Variants in COL1A1 observed in about 807,000 individuals in gnomAD.
COL1A1 encodes the protein collagen alpha-1(I) chain.
A neutral mutation model predicts 195.7 loss-of-function variants in COL1A1; 21 were observed. The observed-to-expected ratio is 0.11, with a 90% CI of 0.08 to 0.15. COL1A1 has a LOEUF of 0.15. Among genes scored for constraint, COL1A1 ranks in the 10% least tolerant of loss-of-function variants. The pLI is 1.00. For synonymous variants in COL1A1, 749 were observed against 747.3 expected, an observed-to-expected ratio of 1.00 and a Z score of -0.04; for missense variants, 1,365 against 2,051.0, an observed-to-expected ratio of 0.67 and a Z score of 6.46.
chr17:50,198,247 T>C (rs1289425505), intron 6 of COL1A1, 42 bp from the exon 7 acceptor site: 1 of 1,610,496 alleles, frequency 6.2e-7, no homozygotes, highest in African/African-American at 1.3e-5. Flanking sequence ...GATCCCTCTG[T>C]AGGAAAGCAT....
chr17:50,199,111 G>T, intron 5 of COL1A1, 115 bp downstream of exon 5: 1 of 1,264,226 alleles, frequency 7.9e-7, no homozygotes, highest in Non-Finnish European at 1.1e-6. Context: ...TTTCCTGTAG[G>T]ATTCTTGCAA....
At position 50,199,606 on chromosome 17, in the gene COL1A1, ACG is replaced by A. The variant is rs1161583083; in HGVS notation, c.299-18_299-17del. On this transcript the variant is annotated splice_polypyrimidine_tract_variant and intron_variant, in intron 2 of 50. Coordinates refer to ENST00000225964, the MANE Select transcript of COL1A1 (RefSeq NM_000088.4). ...GTGGGTGACTCTAGGGGACGAAGAGACGCGCGTTAGAGCCAAGGTTTGCTAAT... is the reference window on the plus strand; with the variant it reads ...GTGGGTGACTCTAGGGGACGAAGAGACGCGTTAGAGCCAAGGTTTGCTAAT... 6.2e-7 allele frequency: 1 copy of A among 1,614,014 alleles called. No individual in the cohort carries two copies. The highest frequency in any genetic ancestry group is 1.3e-5 in the African/African-American group (1 of 75,018).
In COL1A1 at chr17:50,194,142, T is replaced by C. The variant is rs746411014; in HGVS notation, c.1656A>G (p.Lys552=). 1.9e-6 allele frequency: 3 copies of C among 1,613,020 alleles called. No homozygotes were observed. The highest frequency in any genetic ancestry group is 2.5e-6 in the Non-Finnish European group (3 of 1,179,782). ...GSPGSPGPDG[K]TGPPGPAGQD... ...GAGTGATACTTACAGGGGGGCCAGT[T>C]TTGCCATCAGGACCAGGGCTGCCAG... The change falls in exon 24 of 51, where the codon AAA becomes AAG. Residue 552 remains lysine (K), a synonymous_variant. Transcript: ENST00000225964. This position sits in a 1 kb window ranked among gnomAD's most constrained non-coding sequence, Gnocchi z 6.8.
In COL1A1 at chr17:50,194,472, A is replaced by T. The variant is rs41316655; in HGVS notation, c.1516-25T>A. On this transcript the variant is annotated intron_variant, in intron 22 of 50. Transcript: ENST00000225964. This position sits in a 1 kb window ranked among gnomAD's most constrained non-coding sequence, Gnocchi z 6.8. ...CCTGGTTGGGGGAAGTCACAGGAACAGTTAGGGTCTCAAGTTTGTGGCTCT... is the reference window on the plus strand; with the variant it reads ...CCTGGTTGGGGGAAGTCACAGGAACTGTTAGGGTCTCAAGTTTGTGGCTCT... The T allele has an allele frequency of 3.3e-4, 532 of 1,613,724 alleles. 4 individuals carry two copies. Among genetic ancestry groups the T allele is most frequent in the Admixed American group, 2.7e-4 (16 of 60,016 alleles).
rs779085174 is a variant in COL1A1 at position 50,188,922 on chromosome 17, G to T, written c.3026C>A (p.Pro1009His). Reference protein sequence around the residue: ...PMGPPGLAGPPGESGREGAPG... With the variant: ...PMGPPGLAGPHGESGREGAPG... Reference sequence around the variant, plus strand: ...GCTCACCTCACGTCCAGATTCACCAGGGGGTCCAGCCAATCCAGGGGGGCC... The same window carrying T: ...GCTCACCTCACGTCCAGATTCACCATGGGGTCCAGCCAATCCAGGGGGGCC... Residue 1009 changes from proline to histidine, a missense_variant, in exon 41 of 51, where the codon CCT (proline) becomes CAT (histidine). By Grantham distance (77) the Pro-to-His change is moderately conservative. Coordinates refer to ENST00000225964, the MANE Select transcript of COL1A1 (RefSeq NM_000088.4). The surrounding 1 kb of genome is among the most constrained non-coding windows in gnomAD (Gnocchi z 5.6). The T allele has an allele frequency of 1.2e-5, 19 of 1,610,110 alleles. No individual in the cohort carries two copies. The highest frequency in any genetic ancestry group is 1.7e-6 in the Non-Finnish European group (2 of 1,176,608).
intron 46 of COL1A1, 30 bp downstream of exon 46, chr17:50,187,454 C>G: frequency 8.1e-6 from 13 of 1,613,318 alleles, no homozygotes; most frequent in Non-Finnish European, 1.1e-5. Context: ...GCTTGGGGCT[C>G]AGGAAGAGGA....
chr17:50,192,033 G>A lies in COL1A1; in HGVS notation c.1984-9C>T. ...AGGTCTCCAGGAACACCCTGAGGGG[G>A]AGGGAGAGAGGAACAGACAGTGAGC... On this transcript the variant is annotated splice_polypyrimidine_tract_variant and intron_variant, in intron 29 of 50. Coordinates refer to ENST00000225964, the MANE Select transcript of COL1A1 (RefSeq NM_000088.4). The A allele has an allele frequency of 6.2e-7, 1 of 1,611,684 alleles. No homozygotes were observed. The highest frequency in any genetic ancestry group is 8.5e-7 in the Non-Finnish European group (1 of 1,179,188).
chr17:50,186,517 G>A lies in COL1A1; in HGVS notation c.3815-10C>T, dbSNP rs770568983. Reference sequence around the variant, plus strand: ...TCAATCCAGTACTCTCCTGTGGTAGGGCAGGGCAAGATGGAGTCAGGGAAA... The same window carrying A: ...TCAATCCAGTACTCTCCTGTGGTAGAGCAGGGCAAGATGGAGTCAGGGAAA... On this transcript the variant is annotated splice_polypyrimidine_tract_variant and intron_variant, in intron 48 of 50. Transcript: ENST00000225964. The surrounding 1 kb of genome is among the most constrained non-coding windows in gnomAD (Gnocchi z 5.3). 13 of 1,613,998 alleles carry A rather than the reference G, an allele frequency of 8.1e-6. No homozygotes were observed. The East Asian group carries it at 2.9e-4, about 36-fold the overall frequency.
intron 1 of COL1A1, chr17:50,200,185 AGTC>A (rs1907963396): frequency 1.8e-6 from 1 of 564,770 alleles, no homozygotes; most frequent in Admixed American, 3.0e-5. Context: ...ACAAAGCTTT[AGTC>A]CGCGGTGGCT....
intron 1 of COL1A1, 160 bp from the exon 2 acceptor site, chr17:50,200,107 G>A: frequency 2.5e-6 from 2 of 803,762 alleles, no homozygotes; most frequent in Non-Finnish European, 4.2e-6. Flanking sequence ...CTCCTCATCA[G>A]CGCGGGTGAC....
chr17:50,192,313 G>A, intron 29 of COL1A1, 162 bp downstream of exon 29: 1 of 846,076 alleles, frequency 1.2e-6, no homozygotes, highest in Non-Finnish European at 1.9e-6. Flanking sequence ...CAATCATGCA[G>A]CCCCCACTTC....
Position 50,190,528 on chromosome 17 carries a change from G to A in COL1A1, c.2397+15C>T, listed in dbSNP as rs2144555128. Reference sequence around the variant, plus strand: ...AGGGCCAAGTATGGGGTCTTAACAGGTCTTCTGTACTTACGGGGGCACCAC... The same window carrying A: ...AGGGCCAAGTATGGGGTCTTAACAGATCTTCTGTACTTACGGGGGCACCAC... On this transcript the variant is annotated intron_variant, in intron 34 of 50. Transcript: ENST00000225964. This position sits in a 1 kb window ranked among gnomAD's most constrained non-coding sequence, Gnocchi z 4.7. 2 of 1,612,848 alleles carry A rather than the reference G, an allele frequency of 1.2e-6. No individual in the cohort carries two copies. Among genetic ancestry groups the A allele is most frequent in the Non-Finnish European group, 8.5e-7 (1 of 1,179,212 alleles).
chr17:50,200,276 G>T (rs1005117902), intron 1 of COL1A1: 3 of 408,738 alleles, frequency 7.3e-6, no homozygotes, highest in Non-Finnish European at 1.4e-5. Flanking sequence ...AGGGCGGGGG[G>T]AGAATAGGAG....
Position 50,189,754 on chromosome 17 carries a change from A to C in COL1A1, c.2614-22T>G. ...CACCCTGGAAGGAGAGAACATAGGAACAGTCAGAGGGAGAACAGCCAACTC... is the reference window on the plus strand; with the variant it reads ...CACCCTGGAAGGAGAGAACATAGGACCAGTCAGAGGGAGAACAGCCAACTC... On this transcript the variant is annotated intron_variant, in intron 37 of 50. Transcript: ENST00000225964. This position sits in a 1 kb window ranked among gnomAD's most constrained non-coding sequence, Gnocchi z 5.5. The C allele has an allele frequency of 6.2e-7, 1 of 1,613,912 alleles. No homozygotes were observed. The highest frequency in any genetic ancestry group is 8.5e-7 in the Non-Finnish European group (1 of 1,179,922).
rs756302901 is a variant in COL1A1 at position 50,197,977 on chromosome 17, G to A, written c.614C>T (p.Pro205Leu). ...APGPQGFQGPPGEPGEPGASG... is the reference protein window; with the variant it reads ...APGPQGFQGPLGEPGEPGASG... ...AGCTCCAGGCTCGCCAGGCTCACCAGGGGGACCTTGGAAGCCTTGGGGACC... is the reference window on the plus strand; with the variant it reads ...AGCTCCAGGCTCGCCAGGCTCACCAAGGGGACCTTGGAAGCCTTGGGGACC... The change falls in exon 8 of 51, where the codon CCT (proline) becomes CTT (leucine). Residue 205 changes from proline (P) to leucine (L), a missense_variant. Around this residue, in one of 5 missense-constraint regions of COL1A1, gnomAD observed 226 missense variants for 372.9 expected, o/e 0.61. Coordinates refer to ENST00000225964, the MANE Select transcript of COL1A1 (RefSeq NM_000088.4). The A allele has an allele frequency of 1.9e-6, 3 of 1,614,078 alleles. No homozygotes were observed. The highest frequency in any genetic ancestry group is 2.5e-6 in the Non-Finnish European group (3 of 1,179,990).
chr17:50,197,884 A>G (rs1296631789), intron 8 of COL1A1, 65 bp downstream of exon 8: 7 of 1,591,592 alleles, frequency 4.4e-6, no homozygotes, highest in Non-Finnish European at 5.2e-6. Context: ...CAGGCCTGGG[A>G]GTTCTTCTAT....
chr17:50,193,971 A>G lies in COL1A1; in HGVS notation c.1739T>C (p.Met580Thr). Residue 580 changes from methionine (M) to threonine (T), a missense_variant, in exon 25 of 51, where the codon ATG becomes ACG. Met to Thr is a moderately conservative substitution (Grantham distance 81). This residue lies in a region of COL1A1 where 671 missense variants were observed against 1,099.9 expected (regional missense o/e 0.61). Coordinates refer to ENST00000225964, the MANE Select transcript of COL1A1 (RefSeq NM_000088.4). Reference sequence around the variant, plus strand: ...AGCACCTTTAGGTCCAGGGAATCCCATCACACCAGCCTGACCACGGGCACC... The same window carrying G: ...AGCACCTTTAGGTCCAGGGAATCCCGTCACACCAGCCTGACCACGGGCACC... ...PPGARGQAGV[M>T]GFPGPKGAAG... is the part of the protein sequence containing the mutation. 6.2e-7 allele frequency: 1 copy of G among 1,614,132 alleles called. No homozygotes were observed. Among genetic ancestry groups the G allele is most frequent in the East Asian group, 2.2e-5 (1 of 44,872 alleles).
intron 5 of COL1A1, 67 bp downstream of exon 5, chr17:50,199,159 T>G: frequency 7.0e-7 from 1 of 1,427,792 alleles, no homozygotes; most frequent in South Asian, 1.6e-5. Context: ...AAGTATAAAA[T>G]TATGTCATCT....
At chr17:50,193,096 G>A (rs1330405785) in intron 25 of COL1A1, 49 bp from the exon 26 acceptor site, 6 of 1,559,802 alleles carry the variant, frequency 3.8e-6, no homozygotes, top group Admixed American at 1.7e-5. Flanking sequence ...GAGAAGCCAG[G>A]GCCTCCTGGG....
Sources: allele counts gnomAD v4.1 joint callset, GRCh38; gene constraint gnomAD v4.1.1; regional missense constraint gnomAD v4.1.1; non-coding constraint Gnocchi (gnomAD v3.1); transcripts MANE v1.5; gene names NCBI Gene and HGNC (gene_info 2026-07-23, HGNC 2026-07-21).